Variants in DLC1 observed in about 807,000 individuals in gnomAD.
DLC1 encodes rho GTPase-activating protein 7.
A neutral mutation model predicts 140.3 loss-of-function variants in DLC1; 54 were observed. The observed-to-expected ratio is 0.38, with a 90% CI of 0.31 to 0.48. The LOEUF is 0.48. Among genes scored for constraint, DLC1 ranks in the 20% least tolerant of loss-of-function variants. The pLI is 0.96. For missense variants in DLC1, 2,536 were observed against 1,907.0 expected, an observed-to-expected ratio of 1.33 and a Z score of -6.14; for synonymous variants, 986 against 728.1, an observed-to-expected ratio of 1.35 and a Z score of -5.70.
intron 5 of DLC1, among the ~76,000 whole-genome samples, chr8:13,280,461 C>A (rs183081252): frequency 5.3e-5 from 8 of 152,176 alleles, no homozygotes; most frequent in African/African-American, 1.9e-4. Flanking sequence ...AGGTTCTAGT[C>A]TGTATCCTAA....
At chr8:13,491,133 T>TTA (rs1252983705) in intron 2 of DLC1, among the ~76,000 whole-genome samples, 5 of 149,008 alleles carry the variant, frequency 3.4e-5, no homozygotes, top group South Asian at 2.1e-4. Flanking sequence ...TAATATTTTT[T>TTA]TATATATATA....
At chr8:13,391,737 C>G (rs1402767376) in intron 4 of DLC1, among the ~76,000 whole-genome samples, 7 of 152,116 alleles carry the variant, frequency 4.6e-5, no homozygotes, top group East Asian at 1.9e-4. Context: ...TTATGAGACA[C>G]TCAGTCACTG....
At chr8:13,206,624 G>A (rs1827675563) in intron 5 of DLC1, among the ~76,000 whole-genome samples, 1 of 152,000 alleles carries the variant, frequency 6.6e-6, no homozygotes, top group Non-Finnish European at 1.5e-5. Flanking sequence ...AGATAACATT[G>A]CAAAATTAAT....
At chr8:13,453,924 A>G (rs1215713404) in intron 2 of DLC1, among the ~76,000 whole-genome samples, 2 of 152,062 alleles carry the variant, frequency 1.3e-5, no homozygotes, top group African/African-American at 2.4e-5. Flanking sequence ...TGTCCACTCA[A>G]CTGACAATTA....
Position 13,364,600 on chromosome 8 carries a change from A to G in DLC1, c.1314+28953T>C, listed in dbSNP as rs11989204. Among the ~76,000 whole-genome samples, 842 of 152,308 alleles carry G rather than the reference A, an allele frequency of 5.5e-3. 10 individuals carry two copies. The highest frequency in any genetic ancestry group is 0.019 in the African/African-American group (798 of 41,584). ...GTGTGAACCACCACAGCAGGCCTGC[A>G]TAATGATACTTCTATCTCCCCTTTT... On this transcript the variant is annotated intron_variant, in intron 4 of 17. Transcript: ENST00000276297.
chr8:13,470,045 T>C (rs865846434), intron 2 of DLC1, among the ~76,000 whole-genome samples: 21 of 152,172 alleles, frequency 1.4e-4, no homozygotes, highest in African/African-American at 4.6e-4. Flanking sequence ...ATAAATTCCC[T>C]TGTGCTCAGC....
intron 5 of DLC1, among the ~76,000 whole-genome samples, chr8:13,137,669 TCAG>T (rs1436213669): frequency 6.6e-6 from 1 of 151,150 alleles, no homozygotes. Flanking sequence ...TGGTGGGTTC[TCAG>T]CTCCCTACAA....
intron 2 of DLC1, among the ~76,000 whole-genome samples, chr8:13,489,358 T>C (rs528618190): frequency 8.2e-6 from 1 of 121,542 alleles, no homozygotes; most frequent in Admixed American, 9.3e-5. Context: ...CCGAGATTTT[T>C]CTAAGAAACT....
intron 5 of DLC1, chr8:13,133,292 C>T: frequency 1.6e-6 from 2 of 1,267,106 alleles, no homozygotes; most frequent in Non-Finnish European, 2.0e-6. Context: ...AGCGAACTGT[C>T]TCCCGCGCGC....
intron 2 of DLC1, among the ~76,000 whole-genome samples, chr8:13,493,090 C>G (rs1801337996): frequency 6.6e-6 from 1 of 152,132 alleles, no homozygotes. Flanking sequence ...GTTTCATTGC[C>G]AGCTCCAGTC....
intron 5 of DLC1, among the ~76,000 whole-genome samples, chr8:13,203,281 T>G (rs975591717): frequency 6.6e-6 from 1 of 152,226 alleles, no homozygotes; most frequent in African/African-American, 2.4e-5. Flanking sequence ...CCATGATTTT[T>G]TAACAAACGT....
At chr8:13,276,558 C>G in intron 5 of DLC1, 1 of 1,275,666 alleles carries the variant, frequency 7.8e-7, no homozygotes, top group South Asian at 2.8e-5. Flanking sequence ...CAGGCGGCCT[C>G]CTGGCCCGCG....
chr8:13,125,994 T>A (rs1183127247), intron 5 of DLC1, among the ~76,000 whole-genome samples: 7 of 151,996 alleles, frequency 4.6e-5, no homozygotes, highest in Admixed American at 4.6e-4. Context: ...AAATCCTCTT[T>A]GGGGATCATC....
intron 5 of DLC1, among the ~76,000 whole-genome samples, chr8:13,193,174 G>T (rs1826858222): frequency 6.6e-6 from 1 of 152,012 alleles, no homozygotes; most frequent in South Asian, 2.1e-4. Flanking sequence ...CACTCATTTG[G>T]GAAACAAATA....
At chr8:13,276,464 G>C in intron 5 of DLC1, 1 of 1,360,134 alleles carries the variant, frequency 7.4e-7, no homozygotes, top group Non-Finnish European at 9.4e-7. Flanking sequence ...TCCGCCCCGC[G>C]CTGTGCTCCC....
At chr8:13,194,341 T>A (rs982999412) in intron 5 of DLC1, among the ~76,000 whole-genome samples, 1 of 152,200 alleles carries the variant, frequency 6.6e-6, no homozygotes, top group Non-Finnish European at 1.5e-5. Context: ...GGGAGCTGAG[T>A]GGGCAGCTAT....
chr8:13,405,280 A>G (rs1280385519), intron 2 of DLC1, among the ~76,000 whole-genome samples: 2 of 151,904 alleles, frequency 1.3e-5, no homozygotes, highest in African/African-American at 4.8e-5. Flanking sequence ...TAGTTTTTCA[A>G]CCCTTGCCTC....
chr8:13,109,387 T>C (rs555015550), intron 7 of DLC1, among the ~76,000 whole-genome samples: 29 of 151,564 alleles, frequency 1.9e-4, no homozygotes, highest in Middle Eastern at 6.9e-3. Context: ...CAAGACCGCA[T>C]CTCTACAAAA....
chr8:13,275,568 A>G (rs985242901), intron 5 of DLC1, among the ~76,000 whole-genome samples: 1 of 152,146 alleles, frequency 6.6e-6, no homozygotes, highest in Admixed American at 6.5e-5. Context: ...ATGCTATTTT[A>G]TCCCAACGCA....
Sources: allele counts gnomAD v4.1 joint callset (sites outside exome capture counted in the v4.1 genomes callset), GRCh38; gene constraint gnomAD v4.1.1; transcripts MANE v1.5; gene names NCBI Gene and HGNC (gene_info 2026-07-23, HGNC 2026-07-21).